KCNQ3: variants seen among roughly 807,000 people sequenced by gnomAD.
KCNQ3 encodes potassium voltage-gated channel subfamily KQT member 3.
A neutral mutation model predicts 92.5 loss-of-function variants in KCNQ3; 30 were observed. The observed-to-expected ratio is 0.32, with a 90% CI of 0.24 to 0.44. KCNQ3 has a LOEUF of 0.44. KCNQ3 is among the 20% of genes least tolerant of loss of function. The pLI is 1.00. For synonymous variants in KCNQ3, 450 were observed against 468.8 expected (o/e 0.96, Z 0.52); for missense variants, 913 against 1,140.3 (o/e 0.80, Z 2.87).
chr8:132,136,118 C>G (rs1460538519), intron 12 of KCNQ3, among the ~76,000 whole-genome samples: 1 of 40,018 alleles, frequency 2.5e-5, no homozygotes, highest in Non-Finnish European at 3.9e-5. Context: ...GACTCCATCT[C>G]AAAAAAAAAA....
intron 1 of KCNQ3, among the ~76,000 whole-genome samples, chr8:132,454,619 C>T (rs1287357417): frequency 6.6e-6 from 1 of 152,066 alleles, no homozygotes; most frequent in Non-Finnish European, 1.5e-5. Context: ...CATCTCAGTG[C>T]CTGATACCCA....
chr8:132,359,058 T>G (rs1819093011), intron 1 of KCNQ3, among the ~76,000 whole-genome samples: 1 of 152,220 alleles, frequency 6.6e-6, no homozygotes, highest in Non-Finnish European at 1.5e-5. Flanking sequence ...CCTCTTCACC[T>G]TGGCCCCATA....
intron 1 of KCNQ3, among the ~76,000 whole-genome samples, chr8:132,352,090 T>C (rs1359360942): frequency 6.6e-6 from 1 of 152,110 alleles, no homozygotes; most frequent in Non-Finnish European, 1.5e-5. Flanking sequence ...AAAAATCCCA[T>C]GCATTGTGAG....
intron 1 of KCNQ3, among the ~76,000 whole-genome samples, chr8:132,404,628 G>A (rs368778951): frequency 3.3e-5 from 5 of 152,052 alleles, no homozygotes; most frequent in East Asian, 1.9e-4. Flanking sequence ...GCCAGCCCCC[G>A]ACAATGACAT....
chr8:132,130,998 A>G (rs1375740802), intron 14 of KCNQ3, among the ~76,000 whole-genome samples: 1 of 152,220 alleles, frequency 6.6e-6, no homozygotes, highest in Non-Finnish European at 1.5e-5. Context: ...CTGAGCCTCA[A>G]TAATAACTGA....
chr8:132,285,758 A>G (rs1391552453), intron 1 of KCNQ3, among the ~76,000 whole-genome samples: 1 of 152,196 alleles, frequency 6.6e-6, no homozygotes, highest in Non-Finnish European at 1.5e-5. Flanking sequence ...CATTTCAGAG[A>G]TCAAGGTTGT....
At chr8:132,241,577 T>C (rs1482309504) in intron 1 of KCNQ3, among the ~76,000 whole-genome samples, 1 of 152,116 alleles carries the variant, frequency 6.6e-6, no homozygotes, top group Non-Finnish European at 1.5e-5. Flanking sequence ...CTCACACCTG[T>C]TATCCCAGAA....
At chr8:132,466,052 T>C (rs183915111) in intron 1 of KCNQ3, among the ~76,000 whole-genome samples, 12 of 152,314 alleles carry the variant, frequency 7.9e-5, no homozygotes, top group Non-Finnish European at 1.5e-4. Context: ...CCCCAAAGGA[T>C]AATGCAGGCA....
intron 1 of KCNQ3, among the ~76,000 whole-genome samples, chr8:132,401,535 C>A (rs1820332386): frequency 6.6e-6 from 1 of 152,104 alleles, no homozygotes; most frequent in Admixed American, 6.5e-5. Context: ...GCCACCACGC[C>A]CAGCTAATTT....
rs1003894366 is a variant in KCNQ3, at chr8:132,180,465, A to G, written c.605-136T>C. 5.7e-6 allele frequency: 5 copies of G among 871,414 alleles called. No homozygotes were observed. The Admixed American group carries it at 9.8e-5, about 17-fold the overall frequency. The allele number at this position is 871,414 out of a possible 1,614,324, so 54.0% of individuals were successfully genotyped here. On this transcript the variant is annotated intron_variant, in intron 3 of 14. Coordinates refer to ENST00000388996, the MANE Select transcript of KCNQ3 (RefSeq NM_004519.4). Reference sequence around the variant, plus strand: ...TGGGACAATCTGAGCACTGCTGTTGAATCTTGCCACCAACAACACATGGTA... The same window carrying G: ...TGGGACAATCTGAGCACTGCTGTTGGATCTTGCCACCAACAACACATGGTA...
intron 1 of KCNQ3, among the ~76,000 whole-genome samples, chr8:132,315,846 T>C (rs1382288752): frequency 6.6e-6 from 1 of 152,198 alleles, no homozygotes. Context: ...GAAATTGAAT[T>C]ATAAACTAGC....
At chr8:132,380,672 C>G (rs1332696529) in intron 1 of KCNQ3, among the ~76,000 whole-genome samples, 2 of 151,916 alleles carry the variant, frequency 1.3e-5, no homozygotes, top group Non-Finnish European at 2.9e-5. Flanking sequence ...TTTTCCCACC[C>G]TCCCTCCCTC....
At chr8:132,461,516 G>C (rs1160267111) in intron 1 of KCNQ3, among the ~76,000 whole-genome samples, 1 of 152,196 alleles carries the variant, frequency 6.6e-6, no homozygotes, top group Non-Finnish European at 1.5e-5. Flanking sequence ...AGTGAGCCAA[G>C]ATTGTGCCAT....
intron 1 of KCNQ3, among the ~76,000 whole-genome samples, chr8:132,209,595 T>C (rs1011401050): frequency 2.6e-5 from 4 of 151,910 alleles, no homozygotes; most frequent in Non-Finnish European, 4.4e-5. Context: ...TTACAATAGT[T>C]TGACTTTGAA....
At chr8:132,474,652 C>T (rs899368849) in intron 1 of KCNQ3, among the ~76,000 whole-genome samples, 4 of 152,192 alleles carry the variant, frequency 2.6e-5, no homozygotes, top group Non-Finnish European at 5.9e-5. Context: ...TTCTCACATG[C>T]ATCCATTCAG....
At chr8:132,279,093 C>A (rs1816431173) in intron 1 of KCNQ3, among the ~76,000 whole-genome samples, 1 of 152,028 alleles carries the variant, frequency 6.6e-6, no homozygotes, top group Non-Finnish European at 1.5e-5. Flanking sequence ...GTGGTGGATA[C>A]CTGTAATCCC....
In KCNQ3 at chr8:132,442,544, C is replaced by G. The variant is rs151287995; in HGVS notation, c.386+37603G>C. Among the ~76,000 whole-genome samples, 121 of 152,262 alleles carry G rather than the reference C, an allele frequency of 7.9e-4. 1 individual carries two copies. Among genetic ancestry groups the G allele is most frequent in the Middle Eastern group, 3.4e-3 (1 of 294 alleles). ...GGCTAAAATGTATTTTCAGAATGCA[C>G]CAACGGCTGCAAAGATGGACTCTAA... is the stretch of plus-strand genomic sequence containing the variant. On this transcript the variant is annotated intron_variant, in intron 1 of 14. Coordinates refer to ENST00000388996, the MANE Select transcript of KCNQ3 (RefSeq NM_004519.4).
At chr8:132,311,259 A>G (rs1404936237) in intron 1 of KCNQ3, among the ~76,000 whole-genome samples, 3 of 152,202 alleles carry the variant, frequency 2.0e-5, no homozygotes. Context: ...TTGAACAGCT[A>G]CAATAGGTCA....
At position 132,170,387 on chromosome 8, in the gene KCNQ3, G is replaced by A. The variant is rs1193473947; in HGVS notation, c.1182C>T (p.Asp394=). 6.2e-7 allele frequency: 1 copy of A among 1,613,826 alleles called. No homozygotes were observed. Among genetic ancestry groups the A allele is most frequent in the Non-Finnish European group, 8.5e-7 (1 of 1,180,008 alleles). The change falls in exon 8 of 15, where the codon GAC becomes GAT. Residue 394 remains aspartate (D), a synonymous_variant. Coordinates refer to ENST00000388996, the MANE Select transcript of KCNQ3 (RefSeq NM_004519.4). The part of the protein sequence containing the change: ...RYYATNPNRI[D]LVATWRFYES... ...CATAAAATCTCCATGTCGCCACCAGGTCAATCCTGTTGGGGTTGGTAGCAT... is the reference window on the plus strand; with the variant it reads ...CATAAAATCTCCATGTCGCCACCAGATCAATCCTGTTGGGGTTGGTAGCAT...
Sources: allele counts gnomAD v4.1 joint callset (sites outside exome capture counted in the v4.1 genomes callset), GRCh38; gene constraint gnomAD v4.1.1; transcripts MANE v1.5; gene names NCBI Gene and HGNC (gene_info 2026-07-23, HGNC 2026-07-21).